SLC44A1: variants seen among roughly 807,000 people sequenced by gnomAD.
SLC44A1 encodes the protein solute carrier family 44 member 1.
A neutral mutation model predicts 79.3 loss-of-function variants in SLC44A1; 26 were observed. The ratio of observed to expected loss-of-function variants is 0.33; its 90% CI spans 0.24 to 0.46. SLC44A1 has a LOEUF of 0.46. Ranked by LOEUF, SLC44A1 falls within the 20% of genes least tolerant of loss-of-function variation. The probability of loss-of-function intolerance (pLI) is 1.00; values close to 1 mark genes in which losing one functional copy is unlikely to be tolerated. For synonymous variants in SLC44A1, 263 were observed against 286.2 expected, an observed-to-expected ratio of 0.92 and a Z score of 0.82; for missense variants, 688 against 798.1, an observed-to-expected ratio of 0.86 and a Z score of 1.66.
intron 1 of SLC44A1, among the ~76,000 whole-genome samples, chr9:105,277,278 A>G (rs766896336): frequency 1.3e-5 from 2 of 152,228 alleles, no homozygotes; most frequent in Non-Finnish European, 2.9e-5. Flanking sequence ...GGATGAGACA[A>G]TGGAACGTGA....
In SLC44A1 at chr9:105,314,967, C is replaced by A. The variant is rs141958743; in HGVS notation, c.269+5101C>A. On this transcript the variant is annotated intron_variant, in intron 3 of 15. Transcript: ENST00000374720. ...GTGACTTGATGGAGACAGACCAGCACTCAATTCTCACCCTCAGTCGGTGCT... is the reference window on the plus strand; with the variant it reads ...GTGACTTGATGGAGACAGACCAGCAATCAATTCTCACCCTCAGTCGGTGCT... Among the ~76,000 whole-genome samples, 365 of 152,340 alleles carry A rather than the reference C, an allele frequency of 2.4e-3. 3 individuals are homozygous for A. The highest frequency in any genetic ancestry group is 8.1e-3 in the African/African-American group (338 of 41,570).
At position 105,392,548 on chromosome 9, in the gene SLC44A1, A is replaced by G. The variant is rs1828790054; in HGVS notation, c.*3492A>G. On this transcript the variant is annotated 3_prime_UTR_variant, in exon 16 of 16. Transcript: ENST00000374720. ...TTAGGATTTCACCCTAGTAGGGGGT[A>G]TGAGGCACTGACCCCTTTATTCTGG... is the stretch of plus-strand genomic sequence containing the variant. 2.0e-6 allele frequency: 2 copies of G among 984,830 alleles called. No homozygotes were observed. Among genetic ancestry groups the G allele is most frequent in the Non-Finnish European group, 2.4e-6 (2 of 829,882 alleles). The allele number at this position is 984,830 out of a possible 1,614,324, so 61.0% of individuals were successfully genotyped here.
chr9:105,305,114 G>A (rs935574850), intron 2 of SLC44A1, among the ~76,000 whole-genome samples: 1 of 151,174 alleles, frequency 6.6e-6, no homozygotes, highest in African/African-American at 2.4e-5. Context: ...GGTACTACAG[G>A]CATGTGCCAC....
At chr9:105,354,077 GTCTC>G (rs1410211694) in intron 5 of SLC44A1, among the ~76,000 whole-genome samples, 1 of 107,608 alleles carries the variant, frequency 9.3e-6, no homozygotes, top group South Asian at 2.8e-4. Context: ...TTGAGACGGA[GTCTC>G]TCTCTGTCGC....
At chr9:105,316,405 G>C (rs1477960708) in intron 3 of SLC44A1, among the ~76,000 whole-genome samples, 1 of 152,082 alleles carries the variant, frequency 6.6e-6, no homozygotes, top group African/African-American at 2.4e-5. Context: ...TTGCAAACCA[G>C]TATGTACAGC....
Position 105,263,019 on chromosome 9 carries a change from T to G in SLC44A1, c.36+18115T>G, listed in dbSNP as rs568651694. Among the ~76,000 whole-genome samples, 51 of 152,324 alleles carry G rather than the reference T, an allele frequency of 3.3e-4. 1 individual carries two copies. The South Asian group carries it at 9.5e-3, about 28-fold the overall frequency. On this transcript the variant is annotated intron_variant, in intron 1 of 15. Coordinates refer to ENST00000374720, the MANE Select transcript of SLC44A1 (RefSeq NM_080546.5). ...CACAAATGTACCGAGTGCCTGAGCTTCTTCACCTACCAGTGTTTCTAGTCC... is the reference window on the plus strand; with the variant it reads ...CACAAATGTACCGAGTGCCTGAGCTGCTTCACCTACCAGTGTTTCTAGTCC...
chr9:105,394,793 A>G lies in SLC44A1; in HGVS notation c.*5737A>G. The G allele has an allele frequency of 1.0e-6, 1 of 985,424 alleles. No homozygotes were observed. Among genetic ancestry groups the G allele is most frequent in the Non-Finnish European group, 1.2e-6 (1 of 829,946 alleles). 61.0% of individuals were successfully genotyped at this position (985,424 alleles called of 1,614,324 possible). On this transcript the variant is annotated 3_prime_UTR_variant, in exon 16 of 16. Coordinates refer to ENST00000374720, the MANE Select transcript of SLC44A1 (RefSeq NM_080546.5). ...AGCAGATGCTGAAGGTAGAAATGCA[A>G]AAGATGTTTTTTCTTCCTGCATAAA...
chr9:105,422,204 C>G (rs1469833637), intron 15 of SLC44A1, among the ~76,000 whole-genome samples: 1 of 151,368 alleles, frequency 6.6e-6, no homozygotes, highest in African/African-American at 2.4e-5. Context: ...GCTGGTCCCT[C>G]TGTACTGCAC....
In SLC44A1 at chr9:105,335,604, A is replaced by C. The variant is rs1198855015; in HGVS notation, c.311A>C (p.Asn104Thr). ...FLDPCNLDLI[N>T]RKIKSVALCV... is the part of the protein sequence containing the mutation. ...GATCCATGCAACCTGGACTTGATAA[A>C]CCGGAAGATTAAGTCTGTAGCACTG... is the stretch of plus-strand genomic sequence containing the variant. The change falls in exon 4 of 16, where the codon AAC becomes ACC. Residue 104 changes from asparagine (N) to threonine (T), a missense_variant. Asn to Thr is a moderately conservative substitution (Grantham distance 65). Transcript: ENST00000374720. The C allele has an allele frequency of 6.2e-7, 1 of 1,613,290 alleles. No individual in the cohort carries two copies.
At position 105,366,304 on chromosome 9, in the gene SLC44A1, A is replaced by C. The variant is rs777337492; in HGVS notation, c.1411-42A>C. 5 of 1,079,172 alleles carry C rather than the reference A, an allele frequency of 4.6e-6. No homozygotes were observed. The Admixed American group carries it at 1.4e-4, about 30-fold the overall frequency. The allele number at this position is 1,079,172 out of a possible 1,614,324, so 66.8% of individuals were successfully genotyped here. A position where few individuals can be genotyped will look rare whatever the true frequency, so the allele number is the denominator to read the frequency against. ...TTGAAGTCTTCTATGTGACAGTTTG[A>C]TTCTTTGGTTTTTTTATTATTTCCA... On this transcript the variant is annotated intron_variant, in intron 11 of 15. Coordinates refer to ENST00000374720, the MANE Select transcript of SLC44A1 (RefSeq NM_080546.5).
intron 1 of SLC44A1, among the ~76,000 whole-genome samples, chr9:105,280,874 G>A (rs1830334671): frequency 6.6e-6 from 1 of 152,242 alleles, no homozygotes; most frequent in Non-Finnish European, 1.5e-5. Context: ...ATGAGCAGAA[G>A]TTAGGAAGAA....
chr9:105,423,294 T>C (rs529843494), intron 15 of SLC44A1, among the ~76,000 whole-genome samples: 83 of 152,150 alleles, frequency 5.5e-4, no homozygotes, highest in African/African-American at 1.9e-3. Context: ...TGAAACCCTG[T>C]CTCTACTAAA....
downstream of SLC44A1, among the ~76,000 whole-genome samples, chr9:105,401,951 T>C (rs1281191421): frequency 6.6e-6 from 1 of 152,176 alleles, no homozygotes; most frequent in Non-Finnish European, 1.5e-5. Context: ...TAGGAGAAAC[T>C]GTCTCAGCTG....
At chr9:105,420,062 T>C (rs1829225899) in intron 15 of SLC44A1, among the ~76,000 whole-genome samples, 1 of 152,214 alleles carries the variant, frequency 6.6e-6, no homozygotes, top group South Asian at 2.1e-4. Flanking sequence ...CGTTCAGCAG[T>C]TCTTCGAGCA....
chr9:105,300,060 T>C (rs1830836960), intron 2 of SLC44A1: 2 of 396,408 alleles, frequency 5.0e-6, no homozygotes, highest in Non-Finnish European at 6.9e-6. Context: ...AGAAAACTGC[T>C]ATTTTTAAAG....
chr9:105,324,491 A>G (rs1012623042), intron 3 of SLC44A1, among the ~76,000 whole-genome samples: 1 of 150,422 alleles, frequency 6.6e-6, no homozygotes, highest in Non-Finnish European at 1.5e-5. Flanking sequence ...GGCCTCAAGC[A>G]ATCCACCTGC....
At chr9:105,245,602 A>G (rs1332473441) in intron 1 of SLC44A1, among the ~76,000 whole-genome samples, 1 of 152,124 alleles carries the variant, frequency 6.6e-6, no homozygotes, top group Non-Finnish European at 1.5e-5. Flanking sequence ...CTGGGCTGGG[A>G]AGGAGATTGG....
At chr9:105,282,235 G>A (rs1415076491) in intron 1 of SLC44A1, among the ~76,000 whole-genome samples, 2 of 141,912 alleles carry the variant, frequency 1.4e-5, no homozygotes, top group Non-Finnish European at 3.0e-5. Context: ...CATTTTTCTT[G>A]GTTGCTTTTT....
chr9:105,314,217 C>T (rs1436054544), intron 3 of SLC44A1, among the ~76,000 whole-genome samples: 3 of 152,068 alleles, frequency 2.0e-5, no homozygotes, highest in African/African-American at 7.2e-5. Context: ...TTGTTTGCCT[C>T]TGGGGAGAAG....
Sources: allele counts gnomAD v4.1 joint callset (sites outside exome capture counted in the v4.1 genomes callset), GRCh38; gene constraint gnomAD v4.1.1; transcripts MANE v1.5; gene names NCBI Gene and HGNC (gene_info 2026-07-23, HGNC 2026-07-21).